MAGT1: variants seen among roughly 807,000 people sequenced by gnomAD.
The protein encoded by MAGT1 is magnesium transporter 1.
MAGT1 carries 4 observed loss-of-function variants against 28.4 expected under a neutral mutation model. That is an observed-to-expected ratio of 0.14 (90% CI 0.07 to 0.32). MAGT1 has a LOEUF of 0.32. Among genes scored for constraint, MAGT1 ranks in the 10% least tolerant of loss-of-function variants. The probability of loss-of-function intolerance (pLI) is 1.00; values close to 1 mark genes in which losing one functional copy is unlikely to be tolerated. For missense variants in MAGT1, 193 were observed against 264.5 expected (o/e 0.73, Z 1.88); for synonymous variants, 89 against 89.7 (o/e 0.99, Z 0.04).
At chrX:77,855,089 G>C (rs1326814725) in intron 6 of MAGT1, among the ~76,000 whole-genome samples, 1 of 111,305 alleles carries the variant, frequency 9.0e-6, no homozygotes, top group Non-Finnish European at 1.9e-5. Context: ...TGAGGCAGGC[G>C]CATCACCTGA....
rs190821390 is a variant in MAGT1 at position 77,852,101 on chromosome X, C to T, written c.826+1800G>A. On this transcript the variant is annotated intron_variant, in intron 7 of 9. Coordinates refer to ENST00000618282, the MANE Select transcript of MAGT1 (RefSeq NM_001367916.1). ...TATTTTTAGTAGAGATGGGGTTTCA[C>T]CATGTTGGCCAGGCTGGTCTCGAAC... 7.1e-3 allele frequency among the ~76,000 whole-genome samples: 785 copies of T among 110,677 alleles called. 5 individuals carry two copies. The highest frequency in any genetic ancestry group is 0.012 in the Non-Finnish European group (617 of 52,832).
intron 3 of MAGT1, among the ~76,000 whole-genome samples, chrX:77,864,520 A>G (rs969047955): frequency 6.3e-5 from 7 of 111,218 alleles, no homozygotes; most frequent in African/African-American, 2.3e-4. Flanking sequence ...ATCTAACAAA[A>G]TATCACATGT....
At chrX:77,875,621 C>T in intron 1 of MAGT1, 24 bp from the exon 2 acceptor site, 2 of 1,187,080 alleles carry the variant, frequency 1.7e-6, no homozygotes, top group Non-Finnish European at 2.3e-6. Flanking sequence ...AGTGAGCATG[C>T]TATTAATATA....
intron 1 of MAGT1, among the ~76,000 whole-genome samples, chrX:77,892,158 G>C (rs1264326539): frequency 9.0e-6 from 1 of 111,439 alleles, no homozygotes; most frequent in Non-Finnish European, 1.9e-5. Context: ...GCCTCCCAAA[G>C]TGCTGGGATT....
In MAGT1 at chrX:77,830,834, A is replaced by G. The variant is rs1557213312; in HGVS notation, c.963T>C (p.Phe321=). ...VLFFSWMLSI[F]RSKYHGYPYS... ...ATGGGTAGCCATGATATTTAGATCT[A>G]AAAATAGAGAGCATCCAACTGAAGA... The change falls in exon 9 of 10, where the codon TTT becomes TTC. Residue 321 remains phenylalanine (F), a synonymous_variant. Coordinates refer to ENST00000618282, the MANE Select transcript of MAGT1 (RefSeq NM_001367916.1). The G allele has an allele frequency of 8.6e-7, 1 of 1,158,280 alleles. No homozygotes were observed. Among genetic ancestry groups the G allele is most frequent in the Admixed American group, 2.3e-5 (1 of 43,877 alleles).
intron 8 of MAGT1, among the ~76,000 whole-genome samples, chrX:77,837,823 A>G (rs1366349186): frequency 9.0e-6 from 1 of 111,373 alleles, no homozygotes; most frequent in Non-Finnish European, 1.9e-5. Context: ...GCTCACTGCA[A>G]CTTCCGCCTC....
chrX:77,830,349 G>C (rs1165333800), intron 9 of MAGT1, among the ~76,000 whole-genome samples: 3 of 111,868 alleles, frequency 2.7e-5, no homozygotes, highest in Admixed American at 9.6e-5. Context: ...GCCGGGCTCA[G>C]TGGCTCATGC....
chrX:77,890,482 G>T (rs914322727), intron 1 of MAGT1, among the ~76,000 whole-genome samples: 1 of 111,456 alleles, frequency 9.0e-6, no homozygotes, highest in East Asian at 2.8e-4. Flanking sequence ...TTTTTTGGTG[G>T]TGTCTCCATT....
At chrX:77,862,512 T>C (rs1341004334) in intron 3 of MAGT1, among the ~76,000 whole-genome samples, 1 of 109,036 alleles carries the variant, frequency 9.2e-6, no homozygotes, top group Non-Finnish European at 1.9e-5. Flanking sequence ...AAAAAGAAAA[T>C]AAAACAAAAA....
intron 7 of MAGT1, among the ~76,000 whole-genome samples, chrX:77,851,906 C>T (rs1168648037): frequency 9.1e-6 from 1 of 109,771 alleles, no homozygotes; most frequent in Non-Finnish European, 1.9e-5. Context: ...CGCCCCGCCG[C>T]CCGCCCCCTG....
intron 9 of MAGT1, among the ~76,000 whole-genome samples, chrX:77,830,020 A>C (rs1165753808): frequency 2.7e-5 from 3 of 112,671 alleles, no homozygotes; most frequent in African/African-American, 9.7e-5. Context: ...ATATGGGAAC[A>C]TATCTGAATT....
chrX:77,893,415 C>T (rs1333456216), intron 1 of MAGT1, among the ~76,000 whole-genome samples: 2 of 111,106 alleles, frequency 1.8e-5, no homozygotes, highest in Admixed American at 1.9e-4. Context: ...AATTTATTGC[C>T]TTAACATAAA....
At chrX:77,868,697 G>A (rs1557217075) in intron 3 of MAGT1, 1 of 287,251 alleles carries the variant, frequency 3.5e-6, no homozygotes, top group Non-Finnish European at 6.6e-6. Context: ...GCAAGTGCCT[G>A]TAATCCCAGC....
At chrX:77,852,888 A>T (rs2076972235) in intron 7 of MAGT1, among the ~76,000 whole-genome samples, 1 of 111,939 alleles carries the variant, frequency 8.9e-6, no homozygotes, top group Non-Finnish European at 1.9e-5. Flanking sequence ...GTGAGCCACC[A>T]TGCCCAGCTG....
At chrX:77,846,252 C>T (rs968646561) in intron 7 of MAGT1, among the ~76,000 whole-genome samples, 6 of 112,064 alleles carry the variant, frequency 5.4e-5, no homozygotes, top group African/African-American at 1.9e-4. Flanking sequence ...GCATTCATCA[C>T]GTAGCTCTCG....
At chrX:77,849,423 T>A (rs2076960854) in intron 7 of MAGT1, among the ~76,000 whole-genome samples, 1 of 110,328 alleles carries the variant, frequency 9.1e-6, no homozygotes, top group African/African-American at 3.3e-5. Context: ...ATAGGTAAAA[T>A]AAACCCATAG....
At chrX:77,876,712 A>G (rs1392303306) in intron 1 of MAGT1, among the ~76,000 whole-genome samples, 2 of 111,992 alleles carry the variant, frequency 1.8e-5, no homozygotes, top group Non-Finnish European at 3.8e-5. Context: ...TGAACTTCAC[A>G]CCTTATATAA....
intron 1 of MAGT1, among the ~76,000 whole-genome samples, chrX:77,893,718 G>C (rs2077090534): frequency 8.9e-6 from 1 of 111,737 alleles, no homozygotes; most frequent in Non-Finnish European, 1.9e-5. Flanking sequence ...AACACAGAGA[G>C]ACTCCGTTTC....
At chrX:77,885,354 C>T (rs782540913) in intron 1 of MAGT1, 1 of 106,307 alleles carries the variant, frequency 9.4e-6, no homozygotes, top group African/African-American at 3.4e-5. Flanking sequence ...GAAACCCTGT[C>T]TCTACTAACA....
Sources: allele counts gnomAD v4.1 joint callset (sites outside exome capture counted in the v4.1 genomes callset), GRCh38; gene constraint gnomAD v4.1.1; transcripts MANE v1.5; gene names NCBI Gene and HGNC (gene_info 2026-07-23, HGNC 2026-07-21).